CLSTN1: variants seen among roughly 807,000 people sequenced by gnomAD.
CLSTN1 encodes calsyntenin-1.
Under a neutral mutation model 108.3 loss-of-function variants are expected in CLSTN1, and 28 were observed. That is an observed-to-expected ratio of 0.26 (90% CI 0.19 to 0.35). The LOEUF (loss-of-function observed/expected upper bound fraction) is 0.35. Ranked by LOEUF, CLSTN1 falls within the 10% of genes least tolerant of loss-of-function variation. The probability of loss-of-function intolerance (pLI) is 1.00; values close to 1 mark genes in which losing one functional copy is unlikely to be tolerated. For missense variants in CLSTN1, 1,157 were observed against 1,302.6 expected (o/e 0.89, Z 1.72); for synonymous variants, 524 against 534.9 (o/e 0.98, Z 0.28).
rs1383982781 is a variant in CLSTN1, at chr1:9,744,657, G to A, written c.986-14C>T. ...CCGCGGCCGCACCTGAAGCCACAGT[G>A]CTCGGTGAAACTCATGTGAGGAGCC... On this transcript the variant is annotated splice_polypyrimidine_tract_variant and intron_variant, in intron 7 of 18. Coordinates refer to ENST00000377298, the MANE Select transcript of CLSTN1 (RefSeq NM_001009566.3). The A allele has an allele frequency of 1.3e-6, 2 of 1,599,674 alleles. No individual in the cohort carries two copies. Among genetic ancestry groups the A allele is most frequent in the Non-Finnish European group, 1.7e-6 (2 of 1,175,758 alleles).
In CLSTN1 at chr1:9,734,129, C is replaced by A. The variant is rs375747004; in HGVS notation, c.2124G>T (p.Leu708=). The part of the protein sequence containing the change: ...GAEDPTVQES[L]VSEEIVHDLD... ...GGTCGTGCACGATCTCCTCGGACACCAGTGATTCTTGAACTGCAAAAGAGG... is the reference window on the plus strand; with the variant it reads ...GGTCGTGCACGATCTCCTCGGACACAAGTGATTCTTGAACTGCAAAAGAGG... The change falls in exon 15 of 19, where the codon CTG becomes CTT. Residue 708 remains leucine (L), a synonymous_variant. Coordinates refer to ENST00000377298, the MANE Select transcript of CLSTN1 (RefSeq NM_001009566.3). The surrounding 1 kb of genome is among the most constrained non-coding windows in gnomAD (Gnocchi z 4.8). The A allele has an allele frequency of 2.3e-4, 376 of 1,613,914 alleles. No homozygotes were observed. The highest frequency in any genetic ancestry group is 2.9e-4 in the Non-Finnish European group (342 of 1,179,976).
intron 1 of CLSTN1, among the ~76,000 whole-genome samples, chr1:9,822,629 T>C (rs1340776996): frequency 3.3e-5 from 5 of 152,012 alleles, no homozygotes; most frequent in Admixed American, 2.0e-4. Flanking sequence ...CCAAGGAAAA[T>C]GTTTACGATT....
At chr1:9,791,187 C>G (rs1295281420) in intron 1 of CLSTN1, among the ~76,000 whole-genome samples, 1 of 149,770 alleles carries the variant, frequency 6.7e-6, no homozygotes, top group Non-Finnish European at 1.5e-5. Flanking sequence ...TCCTGTTAAA[C>G]CTGGCTTAAA....
Position 9,809,065 on chromosome 1 carries a change from G to A in CLSTN1, c.91+14578C>T, listed in dbSNP as rs1361413125. Among the ~76,000 whole-genome samples the A allele has an allele frequency of 2.0e-5, 3 of 152,102 alleles. No homozygotes were observed. In the East Asian group the frequency reaches 5.8e-4, roughly 29 times the overall value. ...GTCCACCAGAGTGAAAACCTCATACGCAGAAAACACCCACAACCCAAGCTG... is the reference window on the plus strand; with the variant it reads ...GTCCACCAGAGTGAAAACCTCATACACAGAAAACACCCACAACCCAAGCTG... On this transcript the variant is annotated intron_variant, in intron 1 of 18. Transcript: ENST00000377298.
At position 9,781,035 on chromosome 1, in the gene CLSTN1, T is replaced by TTACA. The variant is rs547727518; in HGVS notation, c.92-7642_92-7641insTGTA. The TTACA allele has an allele frequency of 3.4e-4, 173 of 513,802 alleles. 1 individual carries two copies. Among genetic ancestry groups the TTACA allele is most frequent in the African/African-American group, 2.8e-3 (141 of 50,574 alleles). 31.8% of individuals were successfully genotyped at this position (513,802 alleles called of 1,614,324 possible). ...ATTTTGGAGCATTTCACATTTCAGG[T>TTACA]TTTGGGATTAAGAGTATCCAACCTG... is the stretch of plus-strand genomic sequence containing the variant. On this transcript the variant is annotated intron_variant, in intron 1 of 18. Transcript: ENST00000377298.
intron 1 of CLSTN1, among the ~76,000 whole-genome samples, chr1:9,781,853 G>T (rs1477142154): frequency 6.6e-6 from 1 of 152,078 alleles, no homozygotes; most frequent in African/African-American, 2.4e-5. Flanking sequence ...TATCAGATGT[G>T]CACATCTGCT....
At chr1:9,818,003 CTTTTTTT>C (rs35244076) in intron 1 of CLSTN1, among the ~76,000 whole-genome samples, 1 of 89,138 alleles carries the variant, frequency 1.1e-5, no homozygotes, top group Non-Finnish European at 2.3e-5. Flanking sequence ...GTTAGTTTGG[CTTTTTTT>C]TTTTTTTTTT....
chr1:9,792,099 T>G (rs943328073), intron 1 of CLSTN1, among the ~76,000 whole-genome samples: 15 of 150,838 alleles, frequency 9.9e-5, no homozygotes, highest in African/African-American at 3.4e-4. Context: ...GGAGAATCAT[T>G]TGAACCTGCG....
Position 9,789,346 on chromosome 1 carries a change from T to C in CLSTN1, c.92-15952A>G, listed in dbSNP as rs145886473. On this transcript the variant is annotated intron_variant, in intron 1 of 18. Transcript: ENST00000377298. ...GATTTCTCCACCTCCTTCCCAGCAC[T>C]TGTTATTTTCTGCTTTTTGATAGAC... 4.9e-3 allele frequency among the ~76,000 whole-genome samples: 735 copies of C among 151,474 alleles called. 7 individuals are homozygous for C. The highest frequency in any genetic ancestry group is 0.016 in the African/African-American group (659 of 41,520).
chr1:9,813,406 C>T (rs1654846146), intron 1 of CLSTN1, among the ~76,000 whole-genome samples: 1 of 149,398 alleles, frequency 6.7e-6, no homozygotes, highest in South Asian at 2.1e-4. Context: ...AGCTGAGGCA[C>T]GAGAATTGCT....
At chr1:9,779,313 C>T (rs906529756) in intron 1 of CLSTN1, among the ~76,000 whole-genome samples, 7 of 152,154 alleles carry the variant, frequency 4.6e-5, no homozygotes, top group East Asian at 1.9e-4. Flanking sequence ...TGGCTCATGC[C>T]TGTAATCCCA....
rs918946890 is a variant in CLSTN1 at position 9,729,055 on chromosome 1, G to C, written c.*1453C>G. ...TTAGAACCAGAACTTTATTGTAGCGGATACACTTTCTGACCTATCATGAGT... is the reference window on the plus strand; with the variant it reads ...TTAGAACCAGAACTTTATTGTAGCGCATACACTTTCTGACCTATCATGAGT... On this transcript the variant is annotated 3_prime_UTR_variant, in exon 19 of 19. Coordinates refer to ENST00000377298, the MANE Select transcript of CLSTN1 (RefSeq NM_001009566.3). The C allele has an allele frequency of 6.6e-6, 1 of 152,234 alleles. No individual in the cohort carries two copies. Among genetic ancestry groups the C allele is most frequent in the Non-Finnish European group, 1.5e-5 (1 of 68,054 alleles). 9.4% of individuals were successfully genotyped at this position (152,234 alleles called of 1,614,324 possible).
chr1:9,770,259 C>T (rs1652605644), intron 2 of CLSTN1, among the ~76,000 whole-genome samples: 3 of 151,870 alleles, frequency 2.0e-5, no homozygotes, highest in African/African-American at 7.3e-5. Flanking sequence ...AATTTTTGTA[C>T]ATCAGTAAAA....
chr1:9,819,862 A>G (rs1557730293), intron 1 of CLSTN1, among the ~76,000 whole-genome samples: 1 of 152,176 alleles, frequency 6.6e-6, no homozygotes, highest in Non-Finnish European at 1.5e-5. Flanking sequence ...TTACTTCTGA[A>G]AAAACGAGGT....
chr1:9,823,831 C>A lies in CLSTN1; in HGVS notation c.-98G>T, dbSNP rs1655289691. On this transcript the variant is annotated 5_prime_UTR_variant, in exon 1 of 19. Transcript: ENST00000377298. This position sits in a 1 kb window ranked among gnomAD's most constrained non-coding sequence, Gnocchi z 6.3. ...TAGGGGCCTGGGGCTAGCTGCTCCG[C>A]GGCGCGGGGAGCTCCGGGGGTCCAA... The A allele has an allele frequency of 5.7e-6, 3 of 528,064 alleles. No individual in the cohort carries two copies. The highest frequency in any genetic ancestry group is 7.4e-6 in the Non-Finnish European group (3 of 407,812). The allele number at this position is 528,064 out of a possible 1,614,324, so 32.7% of individuals were successfully genotyped here.
chr1:9,770,073 T>C (rs930754466), intron 2 of CLSTN1, among the ~76,000 whole-genome samples: 2 of 150,506 alleles, frequency 1.3e-5, no homozygotes, highest in African/African-American at 4.9e-5. Context: ...ATGAATTATC[T>C]CCAAAAAAGA....
chr1:9,745,316 A>C (rs937373461), intron 7 of CLSTN1, among the ~76,000 whole-genome samples: 4 of 152,094 alleles, frequency 2.6e-5, no homozygotes, highest in Admixed American at 2.6e-4. Flanking sequence ...ATAAACACCC[A>C]GTCCTCCTTT....
chr1:9,785,097 AGAG>A (rs1653421816), intron 1 of CLSTN1, among the ~76,000 whole-genome samples: 1 of 146,898 alleles, frequency 6.8e-6, no homozygotes, highest in Non-Finnish European at 1.5e-5. Context: ...TGTTATTTTT[AGAG>A]GAGAGGGGTT....
chr1:9,773,595 A>G (rs557397441), intron 1 of CLSTN1, among the ~76,000 whole-genome samples: 2 of 152,324 alleles, frequency 1.3e-5, no homozygotes, highest in Admixed American at 1.3e-4. Flanking sequence ...TAATGTTGAA[A>G]TTATCTGAAT....
Sources: gnomAD v4.1 joint callset for allele counts (sites outside exome capture counted in the v4.1 genomes callset) on GRCh38, gnomAD v4.1.1 for gene constraint, Gnocchi (gnomAD v3.1) non-coding constraint, MANE v1.5 for transcripts, NCBI Gene and HGNC (gene_info 2026-07-23, HGNC 2026-07-21) for gene names.